Variants in NUP35 observed in about 807,000 individuals in gnomAD.
NUP35 encodes nucleoporin NUP35.
Under a neutral mutation model 41.5 loss-of-function variants are expected in NUP35, and 25 were observed. The ratio of observed to expected loss-of-function variants is 0.60; its 90% CI spans 0.44 to 0.84. NUP35 has a LOEUF of 0.84. NUP35 is among the 40% of genes least tolerant of loss of function. The pLI, the probability that NUP35 is intolerant of heterozygous loss-of-function variation, is 0.00. For missense variants in NUP35, 396 were observed against 396.6 expected (o/e 1.00, Z 0.01); for synonymous variants, 149 against 130.7 (o/e 1.14, Z -0.96).
At chr2:183,152,676 A>G (rs1168261351) in intron 5 of NUP35, among the ~76,000 whole-genome samples, 1 of 152,186 alleles carries the variant, frequency 6.6e-6, no homozygotes, top group Non-Finnish European at 1.5e-5. Context: ...GTATGTATAT[A>G]TATCTATCAC....
chr2:183,118,276 T>C (rs1415114930), intron 1 of NUP35: 2 of 152,184 alleles, frequency 1.3e-5, no homozygotes, highest in Non-Finnish European at 2.9e-5. Context: ...ATCAAGATAA[T>C]ATTCATCTAC....
chr2:183,160,988 T>G, intron 8 of NUP35, 66 bp from the exon 9 acceptor site: 1 of 1,202,864 alleles, frequency 8.3e-7, no homozygotes, highest in South Asian at 1.3e-5. Flanking sequence ...TGAGCAATTC[T>G]AGAATTGCCT....
chr2:183,121,937 T>TATTATTATTATTATTATTA (rs1700074276), upstream of NUP35, among the ~76,000 whole-genome samples: 1 of 150,062 alleles, frequency 6.7e-6, no homozygotes, highest in Non-Finnish European at 1.5e-5. Context: ...ATTATTATAC[T>TATTATTATTATTATTATTA]TTAAGTTCTA....
chr2:183,152,361 C>T (rs1044065854), intron 5 of NUP35, among the ~76,000 whole-genome samples: 11 of 152,118 alleles, frequency 7.2e-5, no homozygotes, highest in South Asian at 2.1e-4. Flanking sequence ...TTACATGATT[C>T]GTGAGACTTT....
intron 1 of NUP35, among the ~76,000 whole-genome samples, chr2:183,125,289 C>G (rs757855640): frequency 6.6e-6 from 1 of 151,714 alleles, no homozygotes; most frequent in Non-Finnish European, 1.5e-5. Context: ...TTTTTTCCTG[C>G]TGAGTTTTGC....
At chr2:183,125,531 T>TA (rs1171302783) in intron 1 of NUP35, among the ~76,000 whole-genome samples, 9 of 152,298 alleles carry the variant, frequency 5.9e-5, no homozygotes, top group African/African-American at 1.7e-4. Context: ...TAGTCTGTCA[T>TA]AAAAAAACTA....
chr2:183,118,239 A>G (rs1486834437), intron 1 of NUP35: 5 of 152,240 alleles, frequency 3.3e-5, no homozygotes, highest in Non-Finnish European at 5.9e-5. Flanking sequence ...TGCGTTCAGA[A>G]TAGAAGGTAG....
intron 5 of NUP35, among the ~76,000 whole-genome samples, chr2:183,151,870 A>G (rs559502701): frequency 5.9e-5 from 9 of 152,198 alleles, no homozygotes; most frequent in Non-Finnish European, 1.2e-4. Context: ...GTAGACATCA[A>G]TACATATTAC....
intron 4 of NUP35, among the ~76,000 whole-genome samples, chr2:183,142,459 T>TC (rs1685129065): frequency 6.6e-6 from 1 of 152,028 alleles, no homozygotes; most frequent in Non-Finnish European, 1.5e-5. Flanking sequence ...GTTTTCTTTT[T>TC]TTTTTTGGTG....
chr2:183,147,869 T>C (rs1336720081), intron 4 of NUP35, among the ~76,000 whole-genome samples: 1 of 152,176 alleles, frequency 6.6e-6, no homozygotes, highest in East Asian at 1.9e-4. Flanking sequence ...GTTCTCCTTG[T>C]AGAGATTTTT....
At chr2:183,138,184 G>A (rs2105567813) in intron 4 of NUP35, among the ~76,000 whole-genome samples, 1 of 144,994 alleles carries the variant, frequency 6.9e-6, no homozygotes, top group African/African-American at 2.6e-5. Context: ...TGATAGGCAA[G>A]AAATAGAAAA....
intron 8 of NUP35, 58 bp from the exon 9 acceptor site, chr2:183,160,996 C>A (rs2105628449): frequency 1.6e-6 from 2 of 1,272,878 alleles, no homozygotes; most frequent in East Asian, 2.4e-5. Flanking sequence ...TCTAGAATTG[C>A]CTATGACACT....
intron 4 of NUP35, among the ~76,000 whole-genome samples, chr2:183,137,807 AAC>A (rs1684931964): frequency 6.6e-6 from 1 of 152,020 alleles, no homozygotes; most frequent in South Asian, 2.1e-4. Flanking sequence ...AAAAGGCAAA[AAC>A]ACATAATGTT....
At chr2:183,136,911 G>A (rs1367330898) in intron 4 of NUP35, among the ~76,000 whole-genome samples, 1 of 152,060 alleles carries the variant, frequency 6.6e-6, no homozygotes, top group Non-Finnish European at 1.5e-5. Flanking sequence ...CCAATATGGG[G>A]AAACCCTGTC....
At chr2:183,145,587 A>G (rs1685252198) in intron 4 of NUP35, among the ~76,000 whole-genome samples, 1 of 152,246 alleles carries the variant, frequency 6.6e-6, no homozygotes, top group African/African-American at 2.4e-5. Context: ...GCTATCCAGT[A>G]TAGTTGAAGA....
upstream of NUP35, among the ~76,000 whole-genome samples, chr2:183,120,681 A>G: frequency 6.6e-6 from 1 of 152,214 alleles, no homozygotes; most frequent in Non-Finnish European, 1.5e-5. Context: ...TTTACAAACA[A>G]TATAATCTAG....
At chr2:183,131,803 T>G (rs567977290) in intron 3 of NUP35, among the ~76,000 whole-genome samples, 21 of 152,218 alleles carry the variant, frequency 1.4e-4, no homozygotes, top group Admixed American at 7.2e-4. Flanking sequence ...TTCACCTGTT[T>G]GTACTTTTAA....
intron 3 of NUP35, among the ~76,000 whole-genome samples, chr2:183,131,747 TTGAAA>T (rs1208712072): frequency 1.3e-5 from 2 of 152,220 alleles, no homozygotes; most frequent in Non-Finnish European, 2.9e-5. Context: ...TGATTACATA[TTGAAA>T]TGATAATGTT....
chr2:183,127,101 C>G lies in NUP35; in HGVS notation c.41-1186C>G, dbSNP rs545114906. Among the ~76,000 whole-genome samples the G allele has an allele frequency of 1.5e-3, 226 of 152,190 alleles. 1 individual carries two copies. The highest frequency in any genetic ancestry group is 5.0e-3 in the African/African-American group (208 of 41,526). On this transcript the variant is annotated intron_variant, in intron 1 of 8. Transcript: ENST00000295119. ...AACCCACATCTTTGACTCCATAGCC[C>G]ATTGTTTTCCTTATTCTGCTATTTT...
Sources: allele counts gnomAD v4.1 joint callset (sites outside exome capture counted in the v4.1 genomes callset), GRCh38; gene constraint gnomAD v4.1.1; transcripts MANE v1.5; gene names NCBI Gene and HGNC (gene_info 2026-07-23, HGNC 2026-07-21).